FLG: variants seen among roughly 807,000 people sequenced by gnomAD.
FLG encodes the protein epidermal filaggrin.
FLG carries 6 observed loss-of-function variants against 3.8 expected under a neutral mutation model. The observed-to-expected ratio is 1.60, with a 90% CI of 0.87 to 3.15. The LOEUF is 3.15. Among genes scored for constraint, FLG ranks in the 30% most tolerant of loss-of-function variants. FLG has a pLI of 0.00. For synonymous variants in FLG, 2,551 were observed against 1,931.6 expected (o/e 1.32, Z -8.41); for missense variants, 7,595 against 5,050.9 (o/e 1.50, Z -15.27).
In FLG at chr1:152,303,100, C is replaced by T. The variant is rs1422964016; in HGVS notation, c.11786G>A (p.Gly3929Asp). ...QSDSSTAKEHGHFSSLSQDSA... is the reference protein window; with the variant it reads ...QSDSSTAKEHDHFSSLSQDSA... ...ATCTTGTGAAAGACTACTAAAGTGA[C>T]CATGTTCCTTAGCGGTACTAGAGTC... Residue 3929 changes from glycine (G) to aspartate (D), a missense_variant, in exon 3 of 3, where the codon GGT (glycine) becomes GAT (aspartate). Physicochemically the swap from Gly to Asp is moderately conservative, Grantham distance 94 (BLOSUM62 -1). Transcript: ENST00000368799. 2.5e-6 allele frequency: 4 copies of T among 1,614,040 alleles called. No individual in the cohort carries two copies. Among genetic ancestry groups the T allele is most frequent in the Non-Finnish European group, 3.4e-6 (4 of 1,180,036 alleles).
chr1:152,309,526 C>G lies in FLG; in HGVS notation c.5360G>C (p.Gly1787Ala). ...CTCGTGGCGGGATCTTTGTCTTCCT[C>G]CAGTGCTGGGCCCTGTGCGTCCATG... ...SAHGRTGPST[G>A]GRQRSRHEQA... is the part of the protein sequence containing the mutation. The change falls in exon 3 of 3, where the codon GGA (glycine) becomes GCA (alanine). Residue 1787 changes from glycine (G) to alanine (A), a missense_variant. Transcript: ENST00000368799. 6.2e-7 allele frequency: 1 copy of G among 1,613,804 alleles called. No homozygotes were observed. Among genetic ancestry groups the G allele is most frequent in the South Asian group, 1.1e-5 (1 of 91,056 alleles).
In FLG at chr1:152,308,135, C is replaced by T. The variant is rs748180311; in HGVS notation, c.6751G>A (p.Gly2251Arg). 1.2e-6 allele frequency: 2 copies of T among 1,613,956 alleles called. No individual in the cohort carries two copies. The highest frequency in any genetic ancestry group is 1.1e-5 in the South Asian group (1 of 91,070). The part of the protein sequence containing the change: ...SSVSQDSDSE[G>R]HSEDSERRSG... ...CGCCTCTCAGAATCTTCTGAGTGTCCCTCACTGTCACTGTCCTGGCTAACA... is the reference window on the plus strand; with the variant it reads ...CGCCTCTCAGAATCTTCTGAGTGTCTCTCACTGTCACTGTCCTGGCTAACA... The change falls in exon 3 of 3, where the codon GGA (glycine) becomes AGA (arginine). Residue 2251 changes from glycine to arginine, a missense_variant. By Grantham distance (125) the Gly-to-Arg change is moderately radical. Coordinates refer to ENST00000368799, the MANE Select transcript of FLG (RefSeq NM_002016.2).
In FLG at chr1:152,308,496, T is replaced by A. The variant is rs760770197; in HGVS notation, c.6390A>T (p.Ala2130=). The A allele has an allele frequency of 8.7e-6, 14 of 1,602,600 alleles. No individual in the cohort carries two copies. Among genetic ancestry groups the A allele is most frequent in the East Asian group, 2.2e-5 (1 of 44,672 alleles). Residue 2130 remains alanine (A), a synonymous_variant, in exon 3 of 3, where the codon GCA becomes GCT. Coordinates refer to ENST00000368799, the MANE Select transcript of FLG (RefSeq NM_002016.2). The part of the protein sequence containing the change: ...DQAQDSSRHS[A]SQEGQDTIRG... ...GAATGGTGTCCTGACCCTCTTGGGATGCTGAGTGCCTGGAGCTGTCTTGTG... is the reference window on the plus strand; with the variant it reads ...GAATGGTGTCCTGACCCTCTTGGGAAGCTGAGTGCCTGGAGCTGTCTTGTG...
Position 152,314,153 on chromosome 1 carries a change from C to T in FLG, c.733G>A (p.Asp245Asn). ...TCTTCTAATAGACTATCAGTGGTGT[C>T]ATAGGCTTCATCCTGGATTGTGTAA... is the stretch of plus-strand genomic sequence containing the variant. ...TYYTIQDEAY[D>N]TTDSLLEENK... is the part of the protein sequence containing the mutation. The change falls in exon 3 of 3, where the codon GAC becomes AAC. Residue 245 changes from aspartate (D) to asparagine (N), a missense_variant. Asp to Asn is a conservative substitution (Grantham distance 23). Transcript: ENST00000368799. The T allele has an allele frequency of 6.2e-7, 1 of 1,614,160 alleles. No individual in the cohort carries two copies. The highest frequency in any genetic ancestry group is 8.5e-7 in the Non-Finnish European group (1 of 1,180,020).
chr1:152,324,152 A>G (rs1653069349), intron 1 of FLG, among the ~76,000 whole-genome samples: 1 of 151,766 alleles, frequency 6.6e-6, no homozygotes, highest in African/African-American at 2.4e-5. Context: ...CTTTCACATA[A>G]AAGAATGCAG....
chr1:152,314,399 C>T lies in FLG; in HGVS notation c.487G>A (p.Gly163Arg), dbSNP rs1214424848. 3.1e-6 allele frequency: 5 copies of T among 1,613,020 alleles called. No homozygotes were observed. The highest frequency in any genetic ancestry group is 4.5e-5 in the East Asian group (2 of 44,840). Residue 163 changes from glycine to arginine, a missense_variant, in exon 3 of 3, where the codon GGA becomes AGA. Transcript: ENST00000368799. ...ESSSEKKERKGYSPTHREEEY... is the reference protein window; with the variant it reads ...ESSSEKKERKRYSPTHREEEY... ...TCTTCTCTATGAGTAGGTGAATATCCTTTTCTTTCTTTTTTTTCAGAACTA... is the reference window on the plus strand; with the variant it reads ...TCTTCTCTATGAGTAGGTGAATATCTTTTTCTTTCTTTTTTTTCAGAACTA...
intron 1 of FLG, among the ~76,000 whole-genome samples, chr1:152,324,324 C>T (rs572825847): frequency 6.6e-6 from 1 of 151,970 alleles, no homozygotes; most frequent in South Asian, 2.1e-4. Context: ...CTGTGCCCCT[C>T]TTTACATGAG....
chr1:152,314,542 T>A lies in FLG; in HGVS notation c.344A>T (p.Gln115Leu), dbSNP rs370754859. The change falls in exon 3 of 3, where the codon CAG (glutamine) becomes CTG (leucine). Residue 115 changes from glutamine (Q) to leucine (L), a missense_variant. Coordinates refer to ENST00000368799, the MANE Select transcript of FLG (RefSeq NM_002016.2). Reference protein sequence around the residue: ...SHHDKHEDNKQEENKENRKRP... With the variant: ...SHHDKHEDNKLEENKENRKRP... ...TTTTCTGTTTTCTTTGTTTTCTTCC[T>A]GTTTATTATCTTCATGTTTATCATG... The A allele has an allele frequency of 6.2e-7, 1 of 1,613,930 alleles. No individual in the cohort carries two copies. Among genetic ancestry groups the A allele is most frequent in the Admixed American group, 1.7e-5 (1 of 60,016 alleles).
rs556307725 is a variant in FLG, at chr1:152,307,077, G to A, written c.7809C>T (p.Ser2603=). Residue 2603 remains serine (S), a synonymous_variant, in exon 3 of 3, where the codon TCC becomes TCT. Coordinates refer to ENST00000368799, the MANE Select transcript of FLG (RefSeq NM_002016.2). The stretch of plus-strand genomic sequence containing the variant: ...CTTCTTGATGGGACCTGGGGTGTCT[G>A]GAGCCATCTCTTAGCTGCTCCTGAG... ...GSAQEQLRDG[S]RHPRSHQEDR... 6.2e-7 allele frequency: 1 copy of A among 1,609,806 alleles called. No individual in the cohort carries two copies. Among genetic ancestry groups the A allele is most frequent in the East Asian group, 2.2e-5 (1 of 44,660 alleles).
At chr1:152,318,161 T>C (rs1478629076) in intron 1 of FLG, among the ~76,000 whole-genome samples, 1 of 151,924 alleles carries the variant, frequency 6.6e-6, no homozygotes, top group Non-Finnish European at 1.5e-5. Context: ...CTAGCCTAAT[T>C]AACTGCTTCA....
chr1:152,311,701 C>T lies in FLG; in HGVS notation c.3185G>A (p.Gly1062Glu), dbSNP rs745419566. 3.3e-5 allele frequency: 54 copies of T among 1,613,990 alleles called. No individual in the cohort carries two copies. The highest frequency in any genetic ancestry group is 4.3e-5 in the Non-Finnish European group (51 of 1,180,026). The change falls in exon 3 of 3, where the codon GGA (glycine) becomes GAA (glutamate). Residue 1062 changes from glycine to glutamate, a missense_variant. Transcript: ENST00000368799. ...CTGACTACCACTGGACCCCCAGTGT[C>T]CACTGTCTCTGACTGCAGATGAAGC... ...RQASSAVRDS[G>E]HWGSSGSQAS...
At position 152,313,272 on chromosome 1, in the gene FLG, C is replaced by A. The variant is rs747128121; in HGVS notation, c.1614G>T (p.Arg538Ser). The change falls in exon 3 of 3, where the codon AGG (arginine) becomes AGT (serine). Residue 538 changes from arginine to serine, a missense_variant. By Grantham distance (110) the Arg-to-Ser change is moderately radical. Transcript: ENST00000368799. The stretch of plus-strand genomic sequence containing the variant: ...TGTGATGGGAACCTGAGTGTCCAGA[C>A]CTATTTACCGATTGCTCGTGGTGGG... ...QGSHHEQSVN[R>S]SGHSGSHHSH... 6 of 1,613,716 alleles carry A rather than the reference C, an allele frequency of 3.7e-6. No individual in the cohort carries two copies. The Middle Eastern group carries it at 4.9e-4, about 133-fold the overall frequency.
rs778551181 is a variant in FLG at position 152,309,758 on chromosome 1, C to A, written c.5128G>T (p.Gly1710Ter). The A allele has an allele frequency of 1.2e-6, 2 of 1,613,930 alleles. No homozygotes were observed. The highest frequency in any genetic ancestry group is 1.7e-6 in the Non-Finnish European group (2 of 1,180,002). Residue 1710 changes from glycine (G) to a stop codon, truncating the protein, a stop_gained, in exon 3 of 3, where the codon GGA becomes TGA. Coordinates refer to ENST00000368799, the MANE Select transcript of FLG (RefSeq NM_002016.2). LOFTEE classifies it low-confidence loss of function (END_TRUNC). Reference sequence around the variant, plus strand: ...TGGCTACCACTGGACCCTCGGTTTCCACTGTCTCCGACTACAGATGAATCT... The same window carrying A: ...TGGCTACCACTGGACCCTCGGTTTCAACTGTCTCCGACTACAGATGAATCT... ...RQDSSVVGDS[G>*]NRGSSGSQAS...
chr1:152,311,995 C>A lies in FLG; in HGVS notation c.2891G>T (p.Gly964Val), dbSNP rs756428259. 1.7e-5 allele frequency: 28 copies of A among 1,612,206 alleles called. No individual in the cohort carries two copies. Among genetic ancestry groups the A allele is most frequent in the Non-Finnish European group, 6.8e-6 (8 of 1,179,964 alleles). The change falls in exon 3 of 3, where the codon GGG becomes GTG. Residue 964 changes from glycine (G) to valine (V), a missense_variant. Transcript: ENST00000368799. ...TCCACGATGGTTTCTGGAAGCAGAC[C>A]CAGACCACCTCTCAGAGTCTTCTGA... ...GHSEDSERWSGSASRNHRGSA... is the reference protein window; with the variant it reads ...GHSEDSERWSVSASRNHRGSA...
rs1192566455 is a variant in FLG, at chr1:152,308,243, A to T, written c.6643T>A (p.Ser2215Thr). The T allele has an allele frequency of 1.2e-6, 2 of 1,613,940 alleles. No homozygotes were observed. Among genetic ancestry groups the T allele is most frequent in the East Asian group, 4.5e-5 (2 of 44,852 alleles). ...HSGSHHHEAS[S>T]WADSSRHSLV... The stretch of plus-strand genomic sequence containing the variant: ...GAGTGTCTAGAGCTGTCGGCCCAAG[A>T]GGAAGCTTCATGATGATGCGACCCT... Residue 2215 changes from serine (S) to threonine (T), a missense_variant, in exon 3 of 3, where the codon TCT becomes ACT. Coordinates refer to ENST00000368799, the MANE Select transcript of FLG (RefSeq NM_002016.2).
chr1:152,302,546 A>G lies in FLG; in HGVS notation c.*154T>C. 2.1e-6 allele frequency: 2 copies of G among 950,310 alleles called. No homozygotes were observed. Among genetic ancestry groups the G allele is most frequent in the African/African-American group, 1.7e-5 (1 of 60,166 alleles). The allele number at this position is 950,310 out of a possible 1,614,324, so 58.9% of individuals were successfully genotyped here. Reference sequence around the variant, plus strand: ...GTTTAAAGATCATTACACAATAAAAATAAGCTACCACCAAACTAATGAAAT... The same window carrying G: ...GTTTAAAGATCATTACACAATAAAAGTAAGCTACCACCAAACTAATGAAAT... On this transcript the variant is annotated 3_prime_UTR_variant, in exon 3 of 3. Transcript: ENST00000368799.
At position 152,304,690 on chromosome 1, in the gene FLG, G is replaced by T; in HGVS notation, c.10196C>A (p.Ala3399Asp). 1 of 1,612,954 alleles carries T rather than the reference G, an allele frequency of 6.2e-7. No homozygotes were observed. Among genetic ancestry groups the T allele is most frequent in the Non-Finnish European group, 8.5e-7 (1 of 1,179,616 alleles). Reference sequence around the variant, plus strand: ...AGTGCTGGTCCTGGTCCGCCCATGGGCAGACTCAGACTGTTCATGAGTGCT... The same window carrying T: ...AGTGCTGGTCCTGGTCCGCCCATGGTCAGACTCAGACTGTTCATGAGTGCT... ...QVSTHEQSESAHGRTRTSTGR... is the reference protein window; with the variant it reads ...QVSTHEQSESDHGRTRTSTGR... Residue 3399 changes from alanine (A) to aspartate (D), a missense_variant, in exon 3 of 3, where the codon GCC (alanine) becomes GAC (aspartate). Ala to Asp is a moderately radical substitution (Grantham distance 126). Coordinates refer to ENST00000368799, the MANE Select transcript of FLG (RefSeq NM_002016.2).
In FLG at chr1:152,313,326, C is replaced by T. The variant is rs369161171; in HGVS notation, c.1560G>A (p.Pro520=). 1.5e-4 allele frequency: 237 copies of T among 1,613,380 alleles called. No homozygotes were observed. Among genetic ancestry groups the T allele is most frequent in the Middle Eastern group, 1.6e-4 (1 of 6,080 alleles). Residue 520 remains proline (P), a synonymous_variant, in exon 3 of 3, where the codon CCG becomes CCA. Coordinates refer to ENST00000368799, the MANE Select transcript of FLG (RefSeq NM_002016.2). ...CCTGCCTTCCTCCTCTGCTTGACCC[C>T]GGGTGTCCACGAATGGTGTCCTGAC... is the stretch of plus-strand genomic sequence containing the variant. ...QEGQDTIRGH[P]GSSRGGRQGS...
At position 152,313,661 on chromosome 1, in the gene FLG, C is replaced by G. The variant is rs766890984; in HGVS notation, c.1225G>C (p.Val409Leu). The change falls in exon 3 of 3, where the codon GTC (valine) becomes CTC (leucine). Residue 409 changes from valine (V) to leucine (L), a missense_variant. Val to Leu is a conservative substitution (Grantham distance 32). Transcript: ENST00000368799. ...ATGRGQASSAVSDRGHRGSSG... is the reference protein window; with the variant it reads ...ATGRGQASSALSDRGHRGSSG... ...GACCCCCGGTGTCCACGATCGCTGA[C>G]TGCAGATGAAGCTTGCCCGCGCCCA... The G allele has an allele frequency of 9.3e-6, 15 of 1,614,070 alleles. No individual in the cohort carries two copies. The highest frequency in any genetic ancestry group is 1.7e-5 in the Admixed American group (1 of 60,016).
Sources: gnomAD v4.1 joint callset for allele counts (sites outside exome capture counted in the v4.1 genomes callset) on GRCh38, gnomAD v4.1.1 for gene constraint, MANE v1.5 for transcripts, NCBI Gene and HGNC (gene_info 2026-07-23, HGNC 2026-07-21) for gene names.